TKFC: variants seen among roughly 807,000 people sequenced by gnomAD.
TKFC encodes triokinase/FMN cyclase.
A neutral mutation model predicts 61.0 loss-of-function variants in TKFC; 46 were observed. The ratio of observed to expected loss-of-function variants is 0.75; its 90% CI spans 0.60 to 0.96. The LOEUF (loss-of-function observed/expected upper bound fraction) is 0.96, where lower values mean the gene tolerates loss of function less well. Among genes scored for constraint, TKFC ranks in the 50% least tolerant of loss-of-function variants. The pLI is 0.00. For missense variants in TKFC, 715 were observed against 777.5 expected (o/e 0.92, Z 0.96); for synonymous variants, 314 against 330.1 (o/e 0.95, Z 0.53).
In TKFC at chr11:61,334,685, C is replaced by G. The variant is rs772338378; in HGVS notation, c.-44C>G. The G allele has an allele frequency of 6.2e-7, 1 of 1,613,870 alleles. No homozygotes were observed. Among genetic ancestry groups the G allele is most frequent in the Non-Finnish European group, 8.5e-7 (1 of 1,179,888 alleles). On this transcript the variant is annotated 5_prime_UTR_variant, in exon 2 of 18. Coordinates refer to ENST00000394900, the MANE Select transcript of TKFC (RefSeq NM_015533.4). Reference sequence around the variant, plus strand: ...CAGGATTGTCCATCCTCCAGCAGCTCAGTGCAACGGTGTGAACTCAGCCTG... The same window carrying G: ...CAGGATTGTCCATCCTCCAGCAGCTGAGTGCAACGGTGTGAACTCAGCCTG...
At position 61,343,872 on chromosome 11, in the gene TKFC, A is replaced by T; in HGVS notation, c.999A>T (p.Ala333=). The T allele has an allele frequency of 1.9e-6, 3 of 1,609,982 alleles. No individual in the cohort carries two copies. The highest frequency in any genetic ancestry group is 2.5e-6 in the Non-Finnish European group (3 of 1,179,776). The change falls in exon 12 of 18, where the codon GCA becomes GCT. Residue 333 remains alanine (A), a synonymous_variant. Transcript: ENST00000394900. ...LLKLIDAETT[A]AAWPNVAAVS... ...TGCCCTTAGATGCTGAAACCACTGC[A>T]GCAGCCTGGCCTAACGTGGCTGCAG... is the stretch of plus-strand genomic sequence containing the variant.
At position 61,333,324 on chromosome 11, in the gene TKFC, G is replaced by C. The variant is rs28720246; in HGVS notation, c.-115G>C. The C allele has an allele frequency of 3.1e-3, 583 of 190,284 alleles. 5 individuals carry two copies. The highest frequency in any genetic ancestry group is 0.013 in the African/African-American group (563 of 43,140). The allele number at this position is 190,284 out of a possible 1,614,324, so 11.8% of individuals were successfully genotyped here. On this transcript the variant is annotated 5_prime_UTR_variant, in exon 1 of 18. Coordinates refer to ENST00000394900, the MANE Select transcript of TKFC (RefSeq NM_015533.4). ...TGGCGGATGCGGCCGTGAGCCGGCG[G>C]GGGAGGTGCGCCAGTGTCCTCCGAG...
chr11:61,338,973 T>C (rs1412745564), intron 3 of TKFC, 93 bp from the exon 4 acceptor site: 1 of 1,086,196 alleles, frequency 9.2e-7, no homozygotes, highest in African/African-American at 1.6e-5. Flanking sequence ...ACAGTAGGGC[T>C]CACCAAACCA....
At chr11:61,349,465 C>G, downstream of TKFC, 1 of 687,920 alleles carries the variant, frequency 1.5e-6, no homozygotes, top group Non-Finnish European at 2.7e-6. Context: ...GGCCCTGATC[C>G]AGCAAGGAGA....
rs1427294141 is a variant in TKFC at position 61,343,403 on chromosome 11, G to A, written c.927G>A (p.Met309Ile). The A allele has an allele frequency of 1.9e-6, 3 of 1,614,212 alleles. No individual in the cohort carries two copies. Among genetic ancestry groups the A allele is most frequent in the Admixed American group, 1.7e-5 (1 of 60,030 alleles). The change falls in exon 11 of 18, where the codon ATG becomes ATA. Residue 309 changes from methionine (M) to isoleucine (I), a missense_variant. Coordinates refer to ENST00000394900, the MANE Select transcript of TKFC (RefSeq NM_015533.4). ...GCACCTTCATGTCAGCACTGGAGAT[G>A]CCTGGCATTTCTCTCACCCTCCTGC... ...LVGTFMSALE[M>I]PGISLTLLLV...
Position 61,343,441 on chromosome 11 carries a change from C to G in TKFC, c.965C>G (p.Pro322Arg), listed in dbSNP as rs775044107. The change falls in exon 11 of 18, where the codon CCT (proline) becomes CGT (arginine). Residue 322 changes from proline (P) to arginine (R), a missense_variant. By Grantham distance (103) the Pro-to-Arg change is moderately radical. Transcript: ENST00000394900. The part of the protein sequence containing the change: ...ISLTLLLVDE[P>R]LLKLIDAETT... The stretch of plus-strand genomic sequence containing the variant: ...CTCACCCTCCTGCTGGTGGATGAGC[C>G]TCTCCTGAAACTGATAGGTGAGACT... The G allele has an allele frequency of 2.0e-5, 32 of 1,614,022 alleles. No individual in the cohort carries two copies. Among genetic ancestry groups the G allele is most frequent in the Non-Finnish European group, 2.5e-5 (30 of 1,179,986 alleles).
chr11:61,347,082 C>T lies in TKFC; in HGVS notation c.*579C>T, dbSNP rs183833370. Reference sequence around the variant, plus strand: ...GCTGGGCTGCTTCCACTGAGACCCCCGACCCATCCCCTTTCCAGTACACAC... The same window carrying T: ...GCTGGGCTGCTTCCACTGAGACCCCTGACCCATCCCCTTTCCAGTACACAC... On this transcript the variant is annotated 3_prime_UTR_variant, in exon 18 of 18. Coordinates refer to ENST00000394900, the MANE Select transcript of TKFC (RefSeq NM_015533.4). The T allele has an allele frequency of 6.1e-5, 60 of 985,720 alleles. No individual in the cohort carries two copies. Among genetic ancestry groups the T allele is most frequent in the Middle Eastern group, 1.0e-3 (2 of 1,916 alleles). The allele number at this position is 985,720 out of a possible 1,614,324, so 61.1% of individuals were successfully genotyped here.
Position 61,343,416 on chromosome 11 carries a change from C to G in TKFC, c.940C>G (p.Leu314Val). 3 of 1,614,196 alleles carry G rather than the reference C, an allele frequency of 1.9e-6. No homozygotes were observed. Among genetic ancestry groups the G allele is most frequent in the Non-Finnish European group, 1.7e-6 (2 of 1,180,028 alleles). Residue 314 changes from leucine (L) to valine (V), a missense_variant, in exon 11 of 18, where the codon CTC becomes GTC. Leu to Val is a conservative substitution (Grantham distance 32). Transcript: ENST00000394900. ...AGCACTGGAGATGCCTGGCATTTCT[C>G]TCACCCTCCTGCTGGTGGATGAGCC... is the stretch of plus-strand genomic sequence containing the variant. ...MSALEMPGIS[L>V]TLLLVDEPLL...
Position 61,334,842 on chromosome 11 carries a change from T to G in TKFC, c.3+111T>G. 6 of 1,486,516 alleles carry G rather than the reference T, an allele frequency of 4.0e-6. No individual in the cohort carries two copies. In the Middle Eastern group the frequency reaches 8.6e-4, roughly 212 times the overall value. The allele number at this position is 1,486,516 out of a possible 1,614,324, so 92.1% of individuals were successfully genotyped here. On this transcript the variant is annotated intron_variant, in intron 2 of 17. Transcript: ENST00000394900. ...TTGACTGAGAGATGCTATTGCCTCC[T>G]GAGGCTCACGGGTGAAGAGAGAGGG...
In TKFC at chr11:61,344,282, C is replaced by G. The variant is rs1163777008; in HGVS notation, c.1240+9C>G. 1.5e-5 allele frequency: 24 copies of G among 1,609,926 alleles called. No individual in the cohort carries two copies. Among genetic ancestry groups the G allele is most frequent in the Non-Finnish European group, 2.0e-5 (24 of 1,178,020 alleles). ...CAGCCGTGCGGCCAGAGGTTGGTGC[C>G]AGGGACTTTGCCAAGTGAGGTCATT... On this transcript the variant is annotated intron_variant, in intron 13 of 17. Coordinates refer to ENST00000394900, the MANE Select transcript of TKFC (RefSeq NM_015533.4).
downstream of TKFC, chr11:61,350,909 G>C (rs1394278336): frequency 6.6e-7 from 1 of 1,513,768 alleles, no homozygotes; most frequent in African/African-American, 1.4e-5. Context: ...AAGTCTTCTT[G>C]TCAAGGCCCC....
At chr11:61,350,948 C>T (rs1422223024), downstream of TKFC, 2 of 1,585,160 alleles carry the variant, frequency 1.3e-6, no homozygotes, top group Non-Finnish European at 1.7e-6. Context: ...CTTCTCTAGA[C>T]CTGGCCCTGT....
In TKFC at chr11:61,344,254, C is replaced by T. The variant is rs772616060; in HGVS notation, c.1221C>T (p.Thr407=). The change falls in exon 13 of 18, where the codon ACC becomes ACT. Residue 407 remains threonine (T), a synonymous_variant. Coordinates refer to ENST00000394900, the MANE Select transcript of TKFC (RefSeq NM_015533.4). ...RAAGDGDCGT[T]HSRAARAIQE... ...CTGGTGACGGCGACTGTGGCACCAC[C>T]CACAGCCGTGCGGCCAGAGGTTGGT... is the stretch of plus-strand genomic sequence containing the variant. 1 of 1,613,032 alleles carries T rather than the reference C, an allele frequency of 6.2e-7. No individual in the cohort carries two copies. Among genetic ancestry groups the T allele is most frequent in the South Asian group, 1.1e-5 (1 of 91,044 alleles).
At chr11:61,344,359 C>CAT in intron 13 of TKFC, 86 bp downstream of exon 13, 1 of 1,086,720 alleles carries the variant, frequency 9.2e-7, no homozygotes, top group Non-Finnish European at 1.2e-6. Flanking sequence ...AGGGACCTTC[C>CAT]TTTTTTTTTT....
At chr11:61,345,042 C>G (rs985081677) in intron 13 of TKFC, among the ~76,000 whole-genome samples, 4 of 152,234 alleles carry the variant, frequency 2.6e-5, no homozygotes, top group Non-Finnish European at 5.9e-5. Flanking sequence ...TACAGAGCGT[C>G]AAGTGGAGGG....
In TKFC at chr11:61,347,764, A is replaced by G. The variant is rs1224369566; in HGVS notation, c.*1261A>G. On this transcript the variant is annotated 3_prime_UTR_variant, in exon 18 of 18. Coordinates refer to ENST00000394900, the MANE Select transcript of TKFC (RefSeq NM_015533.4). ...CTGCTTTAACCCGGCTACAGGAGCT[A>G]AGGCCTATTTTTTAGCCCTTTGGGA... 2 of 980,118 alleles carry G rather than the reference A, an allele frequency of 2.0e-6. No homozygotes were observed. Among genetic ancestry groups the G allele is most frequent in the Non-Finnish European group, 2.4e-6 (2 of 825,278 alleles). The allele number at this position is 980,118 out of a possible 1,614,324, so 60.7% of individuals were successfully genotyped here.
At chr11:61,340,730 G>A (rs1856818787) in intron 5 of TKFC, among the ~76,000 whole-genome samples, 1 of 152,152 alleles carries the variant, frequency 6.6e-6, no homozygotes, top group African/African-American at 2.4e-5. Context: ...CTTTGCTTAT[G>A]CAGTATCTGT....
intron 13 of TKFC, 25 bp from the exon 14 acceptor site, chr11:61,345,235 C>T (rs1857062574): frequency 6.6e-7 from 1 of 1,507,308 alleles, no homozygotes; most frequent in Non-Finnish European, 8.9e-7. Flanking sequence ...TCTCTGAATT[C>T]CTCCCCATCT....
At chr11:61,339,657 T>C in intron 5 of TKFC, 1 of 563,186 alleles carries the variant, frequency 1.8e-6, no homozygotes, top group East Asian at 3.0e-5. Context: ...ACCCAATCAG[T>C]TGCCCGGTCC....
Sources: gnomAD v4.1 joint callset for allele counts (sites outside exome capture counted in the v4.1 genomes callset) on GRCh38, gnomAD v4.1.1 for gene constraint, MANE v1.5 for transcripts, NCBI Gene and HGNC (gene_info 2026-07-23, HGNC 2026-07-21) for gene names.